Variants in DNAH6 observed in about 807,000 individuals in gnomAD.
DNAH6 encodes axonemal beta dynein heavy chain 6.
In DNAH6, 340 loss-of-function variants were observed where a neutral mutation model predicts 491.4. The observed-to-expected ratio is 0.69, with a 90% CI of 0.63 to 0.76. The LOEUF is 0.76. Ranked by LOEUF, DNAH6 falls within the 30% of genes least tolerant of loss-of-function variation. The probability of loss-of-function intolerance (pLI) is 0.00; values close to 1 mark genes in which losing one functional copy is unlikely to be tolerated. For missense variants in DNAH6, 4,443 were observed against 4,972.2 expected (o/e 0.89, Z 3.20); for synonymous variants, 1,603 against 1,686.1 (o/e 0.95, Z 1.21).
intron 68 of DNAH6, among the ~76,000 whole-genome samples, chr2:84,788,124 A>C (rs930997896): frequency 6.6e-6 from 1 of 152,220 alleles, no homozygotes; most frequent in Non-Finnish European, 1.5e-5. Flanking sequence ...ACCAGTCCCC[A>C]GAGTGAACCA....
chr2:84,709,506 A>G lies in DNAH6; in HGVS notation c.9212A>G (p.Gln3071Arg), dbSNP rs2104866546. 2 of 1,551,614 alleles carry G rather than the reference A, an allele frequency of 1.3e-6. No individual in the cohort carries two copies. The highest frequency in any genetic ancestry group is 1.7e-6 in the Non-Finnish European group (2 of 1,146,992). The change falls in exon 55 of 77, where the codon CAA becomes CGA. Residue 3071 changes from glutamine to arginine, a missense_variant. Around this residue, in one of 3 missense-constraint regions of DNAH6, gnomAD observed 1,463 missense variants for 1,656.6 expected, o/e 0.88. Transcript: ENST00000389394. ...ISTENGILVTQGRRWPLMIDP... is the reference protein window; with the variant it reads ...ISTENGILVTRGRRWPLMIDP... ...ACAGAAAATGGCATTTTGGTTACTC[A>G]AGGCAGAAGATGGCCTTTGATGATT...
At chr2:84,634,786 C>T (rs1688721912) in intron 30 of DNAH6, 145 bp downstream of exon 30, 5 of 951,514 alleles carry the variant, frequency 5.3e-6, no homozygotes, top group Non-Finnish European at 7.2e-6. Flanking sequence ...CTCCAGAGCT[C>T]ACTGGACTAG....
In DNAH6 at chr2:84,624,654, CAA is replaced by C. The variant is rs1394804300; in HGVS notation, c.4353+35_4353+36del. 20 of 1,532,724 alleles carry C rather than the reference CAA, an allele frequency of 1.3e-5. No individual in the cohort carries two copies. The Admixed American group carries it at 4.0e-4, about 30-fold the overall frequency. The allele number at this position is 1,532,724 out of a possible 1,614,324, so 94.9% of individuals were successfully genotyped here. ...TTGATCACTTGGGTTAATATTGACA[CAA>C]GAGTGCTTTTCAATCAAAAGTCTTG... On this transcript the variant is annotated intron_variant, in intron 28 of 76. Coordinates refer to ENST00000389394, the MANE Select transcript of DNAH6 (RefSeq NM_001370.2).
At chr2:84,662,409 C>T (rs560925613) in intron 37 of DNAH6, among the ~76,000 whole-genome samples, 2 of 152,166 alleles carry the variant, frequency 1.3e-5, no homozygotes, top group African/African-American at 4.8e-5. Context: ...CACCCTAATA[C>T]TGTGCTTTTC....
intron 63 of DNAH6, among the ~76,000 whole-genome samples, chr2:84,762,195 G>T (rs1018136984): frequency 6.6e-6 from 1 of 152,114 alleles, no homozygotes. Context: ...AGAAGAGGCT[G>T]GTGAGTGAAT....
At chr2:84,695,152 T>C (rs1229761673) in intron 46 of DNAH6, among the ~76,000 whole-genome samples, 2 of 151,980 alleles carry the variant, frequency 1.3e-5, no homozygotes, top group South Asian at 4.2e-4. Context: ...AAAATACTTA[T>C]CACAAATGAA....
intron 60 of DNAH6, among the ~76,000 whole-genome samples, chr2:84,727,406 T>C (rs947233678): frequency 6.6e-6 from 1 of 152,156 alleles, no homozygotes; most frequent in Non-Finnish European, 1.5e-5. Flanking sequence ...AAATGACATA[T>C]AATGAAACCA....
rs552973409 is a variant in DNAH6, at chr2:84,757,357, G to A, written c.10513-5398G>A. Among the ~76,000 whole-genome samples the A allele has an allele frequency of 4.6e-5, 7 of 152,312 alleles. No homozygotes were observed. The South Asian group carries it at 8.3e-4, about 18-fold the overall frequency. On this transcript the variant is annotated intron_variant, in intron 63 of 76. Transcript: ENST00000389394. ...GTCCACTGCAAGTGCACTGCAGGAT[G>A]GCAAGACTTTCCTGGGTAGAGTGAG...
chr2:84,555,521 C>CT (rs1357776113), intron 10 of DNAH6, among the ~76,000 whole-genome samples: 2 of 152,112 alleles, frequency 1.3e-5, no homozygotes, highest in Non-Finnish European at 2.9e-5. Flanking sequence ...TTTCTGGGTG[C>CT]TTTTTTCTGT....
chr2:84,619,019 C>A (rs1687141565), intron 23 of DNAH6, among the ~76,000 whole-genome samples: 1 of 152,132 alleles, frequency 6.6e-6, no homozygotes. Context: ...CAATCTATAG[C>A]AAAATAATCT....
At chr2:84,788,642 C>T (rs552891121) in intron 68 of DNAH6, among the ~76,000 whole-genome samples, 1 of 152,306 alleles carries the variant, frequency 6.6e-6, no homozygotes, top group South Asian at 2.1e-4. Context: ...GCAGTGGTGA[C>T]CATAGCTTTA....
chr2:84,515,786 A>G (rs531511386), upstream of DNAH6, among the ~76,000 whole-genome samples: 10 of 152,322 alleles, frequency 6.6e-5, no homozygotes, highest in South Asian at 2.1e-3. Flanking sequence ...GTCGCTCCAT[A>G]CAAAATTAGC....
At position 84,624,457 on chromosome 2, in the gene DNAH6, A is replaced by G; in HGVS notation, c.4198-8A>G. On this transcript the variant is annotated splice_polypyrimidine_tract_variant and splice_region_variant and intron_variant, in intron 27 of 76. Coordinates refer to ENST00000389394, the MANE Select transcript of DNAH6 (RefSeq NM_001370.2). ...AATTAGTGTATCTAATATGTATATC[A>G]CATATAGGTGGAGACAGTTGAATCT... is the stretch of plus-strand genomic sequence containing the variant. The G allele has an allele frequency of 6.4e-7, 1 of 1,551,394 alleles. No individual in the cohort carries two copies.
intron 9 of DNAH6, among the ~76,000 whole-genome samples, chr2:84,551,553 A>T (rs917751383): frequency 6.6e-6 from 1 of 152,212 alleles, no homozygotes; most frequent in East Asian, 1.9e-4. Context: ...TCTATTATTG[A>T]TCACATTCCC....
intron 4 of DNAH6, among the ~76,000 whole-genome samples, chr2:84,541,729 G>A (rs1050074488): frequency 1.3e-5 from 2 of 152,196 alleles, no homozygotes; most frequent in African/African-American, 2.4e-5. Flanking sequence ...AACATGGTAT[G>A]TTGAACTTCA....
At chr2:84,668,944 A>G (rs1692452677) in intron 37 of DNAH6, among the ~76,000 whole-genome samples, 2 of 151,952 alleles carry the variant, frequency 1.3e-5, no homozygotes, top group Non-Finnish European at 2.9e-5. Flanking sequence ...TTACCAGGTC[A>G]TTGAAGACAG....
At chr2:84,754,688 T>C (rs1402010552) in intron 63 of DNAH6, among the ~76,000 whole-genome samples, 2 of 152,218 alleles carry the variant, frequency 1.3e-5, no homozygotes, top group African/African-American at 4.8e-5. Flanking sequence ...TACTGCAGCT[T>C]TGAAGTAAGT....
chr2:84,474,549 A>AT, the DNAH6 span, among the ~76,000 whole-genome samples: 2 of 152,122 alleles, frequency 1.3e-5, no homozygotes, highest in African/African-American at 4.8e-5. Flanking sequence ...TATATCCCAT[A>AT]TTTCTCATCA....
At chr2:84,493,135 A>T in the DNAH6 span, among the ~76,000 whole-genome samples, 1 of 152,130 alleles carries the variant, frequency 6.6e-6, no homozygotes, top group Non-Finnish European at 1.5e-5. Context: ...GATCCAGTGA[A>T]ACTTTATTTA....
Sources: allele counts gnomAD v4.1 joint callset (sites outside exome capture counted in the v4.1 genomes callset), GRCh38; gene constraint gnomAD v4.1.1; regional missense constraint gnomAD v4.1.1; transcripts MANE v1.5; gene names NCBI Gene and HGNC (gene_info 2026-07-23, HGNC 2026-07-21).